Variants in RFX7 observed in about 807,000 individuals in gnomAD.
RFX7 encodes DNA-binding protein RFX7.
RFX7 carries 26 observed loss-of-function variants against 111.8 expected under a neutral mutation model. The ratio of observed to expected loss-of-function variants is 0.23; its 90% CI spans 0.17 to 0.32. The LOEUF is 0.32. Ranked by LOEUF, RFX7 falls within the 10% of genes least tolerant of loss-of-function variation. The probability of loss-of-function intolerance (pLI) is 1.00; values close to 1 mark genes in which losing one functional copy is unlikely to be tolerated. For missense variants in RFX7, 1,573 were observed against 1,772.9 expected, an observed-to-expected ratio of 0.89 and a Z score of 2.02; for synonymous variants, 624 against 624.4, an observed-to-expected ratio of 1.00 and a Z score of 0.01.
intron 2 of RFX7, among the ~76,000 whole-genome samples, chr15:56,202,877 C>T (rs115937450): frequency 2.1e-3 from 318 of 152,296 alleles, no homozygotes; most frequent in African/African-American, 6.8e-3. Context: ...AAGAGGTCAT[C>T]TGTTATTCTG....
At chr15:56,140,213 G>A (rs1294154619) in intron 5 of RFX7, among the ~76,000 whole-genome samples, 2 of 152,162 alleles carry the variant, frequency 1.3e-5, no homozygotes, top group Admixed American at 1.3e-4. Flanking sequence ...CCCTCCCCCA[G>A]CCTCGCTGTC....
intron 5 of RFX7, among the ~76,000 whole-genome samples, chr15:56,105,429 T>A (rs1030542024): frequency 2.0e-5 from 3 of 152,210 alleles, no homozygotes; most frequent in South Asian, 4.1e-4. Context: ...AGTAAGACCA[T>A]CTGTATTTAA....
intron 5 of RFX7, among the ~76,000 whole-genome samples, chr15:56,138,339 T>C (rs1288108152): frequency 6.6e-6 from 1 of 151,022 alleles, no homozygotes; most frequent in Non-Finnish European, 1.5e-5. Context: ...TTAGCTCTTC[T>C]TGTTGAATTG....
chr15:56,214,701 C>G (rs1358319116), intron 2 of RFX7, among the ~76,000 whole-genome samples: 3 of 133,136 alleles, frequency 2.3e-5, no homozygotes, highest in Admixed American at 8.2e-5. Context: ...GGCAAAAGAG[C>G]GAGACTCTGT....
At chr15:56,232,456 A>AT (rs1240961855) in intron 2 of RFX7, among the ~76,000 whole-genome samples, 1 of 152,084 alleles carries the variant, frequency 6.6e-6, no homozygotes, top group African/African-American at 2.4e-5. Context: ...TGGGTCTGTG[A>AT]TGGGAGGGGC....
At chr15:56,230,073 T>G (rs1169175959) in intron 2 of RFX7, among the ~76,000 whole-genome samples, 1 of 151,016 alleles carries the variant, frequency 6.6e-6, no homozygotes, top group African/African-American at 2.4e-5. Flanking sequence ...TCTTGTCTCC[T>G]AAAAAAAAAT....
chr15:56,235,842 A>G (rs2043617240), intron 2 of RFX7, among the ~76,000 whole-genome samples: 1 of 152,172 alleles, frequency 6.6e-6, no homozygotes, highest in African/African-American at 2.4e-5. Flanking sequence ...TGCTATTCAA[A>G]TTTAGACAAC....
intron 5 of RFX7, among the ~76,000 whole-genome samples, chr15:56,104,931 A>C (rs2041810568): frequency 6.6e-6 from 1 of 152,146 alleles, no homozygotes. Flanking sequence ...ATTGAGACTA[A>C]ATTTGATACT....
At chr15:56,192,100 G>C (rs1279295994) in intron 2 of RFX7, among the ~76,000 whole-genome samples, 3 of 152,094 alleles carry the variant, frequency 2.0e-5, no homozygotes, top group African/African-American at 7.2e-5. Context: ...AGCACCAACA[G>C]TATAACGCTT....
chr15:56,214,383 T>G (rs149394542), intron 2 of RFX7, among the ~76,000 whole-genome samples: 112 of 152,334 alleles, frequency 7.4e-4, no homozygotes, highest in Non-Finnish European at 1.3e-3. Context: ...CATTTATTTA[T>G]GCCTACATTA....
At chr15:56,097,163 A>G (rs2041690558) in intron 9 of RFX7, among the ~76,000 whole-genome samples, 1 of 152,238 alleles carries the variant, frequency 6.6e-6, no homozygotes, top group Non-Finnish European at 1.5e-5. Flanking sequence ...AGGAACAAGA[A>G]AAACGACAAA....
intron 8 of RFX7, among the ~76,000 whole-genome samples, chr15:56,099,807 G>A (rs892801191): frequency 6.6e-6 from 1 of 152,122 alleles, no homozygotes; most frequent in Non-Finnish European, 1.5e-5. Flanking sequence ...CAAAAATGGA[G>A]TGTCTTTTTA....
intron 9 of RFX7, among the ~76,000 whole-genome samples, chr15:56,097,769 A>AAAAAAAAAAAAAAAC (rs1420813791): frequency 6.7e-6 from 1 of 149,182 alleles, no homozygotes; most frequent in African/African-American, 2.4e-5. Context: ...AAAAAAAAAA[A>AAAAAAAAAAAAAAAC]AATCTTGGCT....
At chr15:56,199,983 CT>C (rs1190272469) in intron 2 of RFX7, among the ~76,000 whole-genome samples, 3 of 152,116 alleles carry the variant, frequency 2.0e-5, no homozygotes, top group Non-Finnish European at 4.4e-5. Flanking sequence ...GTTAAAAATG[CT>C]ATGATTATGT....
At chr15:56,232,838 T>C (rs2043580726) in intron 2 of RFX7, among the ~76,000 whole-genome samples, 1 of 152,196 alleles carries the variant, frequency 6.6e-6, no homozygotes, top group South Asian at 2.1e-4. Context: ...CCCAACAGGT[T>C]AATCTCCATC....
intron 2 of RFX7, among the ~76,000 whole-genome samples, chr15:56,188,565 A>C (rs2141156040): frequency 6.6e-6 from 1 of 152,356 alleles, no homozygotes; most frequent in South Asian, 2.1e-4. Flanking sequence ...GCAGTGAAAA[A>C]GTTGTATGAA....
At chr15:56,236,531 A>T (rs1241257065) in intron 2 of RFX7, among the ~76,000 whole-genome samples, 1 of 152,206 alleles carries the variant, frequency 6.6e-6, no homozygotes, top group Non-Finnish European at 1.5e-5. Context: ...CTTTGCTCAG[A>T]GATGTAGAAT....
chr15:56,101,642 T>G lies in RFX7; in HGVS notation c.604-76A>C, dbSNP rs1363814400. 3 of 1,263,364 alleles carry G rather than the reference T, an allele frequency of 2.4e-6. No homozygotes were observed. In the South Asian group the frequency reaches 4.0e-5, roughly 17 times the overall value. 78.3% of individuals were successfully genotyped at this position (1,263,364 alleles called of 1,614,324 possible). A position where few individuals can be genotyped will look rare whatever the true frequency, so the allele number is the denominator to read the frequency against. On this transcript the variant is annotated intron_variant, in intron 7 of 9. Transcript: ENST00000559447. ...AATTGAAGCATGTTAAAGATATGTATTCTTAATTAGAAGATACAATATAAA... is the reference window on the plus strand; with the variant it reads ...AATTGAAGCATGTTAAAGATATGTAGTCTTAATTAGAAGATACAATATAAA...
In RFX7 at chr15:56,182,766, T is replaced by A. The variant is rs189816841; in HGVS notation, c.162-3463A>T. Among the ~76,000 whole-genome samples the A allele has an allele frequency of 2.7e-3, 406 of 152,290 alleles. 1 individual carries two copies. Among genetic ancestry groups the A allele is most frequent in the African/African-American group, 9.4e-3 (392 of 41,570 alleles). On this transcript the variant is annotated intron_variant, in intron 2 of 9. Transcript: ENST00000559447. Reference sequence around the variant, plus strand: ...TCTACTGAAAGGTAATTATGTAGCTTCCAGTTTTTCTACAAACGATACTGC... The same window carrying A: ...TCTACTGAAAGGTAATTATGTAGCTACCAGTTTTTCTACAAACGATACTGC...
Sources: allele counts gnomAD v4.1 joint callset (sites outside exome capture counted in the v4.1 genomes callset), GRCh38; gene constraint gnomAD v4.1.1; transcripts MANE v1.5; gene names NCBI Gene and HGNC (gene_info 2026-07-23, HGNC 2026-07-21).